MTUS2: variants seen among roughly 807,000 people sequenced by gnomAD.
MTUS2 encodes the protein microtubule associated scaffold protein 2, also known as microtubule-associated tumor suppressor candidate 2.
In MTUS2, 40 loss-of-function variants were observed where a neutral mutation model predicts 114.1. That is an observed-to-expected ratio of 0.35 (90% confidence interval 0.27 to 0.46). MTUS2 has a LOEUF of 0.46. Ranked by LOEUF, MTUS2 falls within the 20% of genes least tolerant of loss-of-function variation. The pLI is 1.00. For missense variants in MTUS2, 1,679 were observed against 1,705.4 expected, an observed-to-expected ratio of 0.98 and a Z score of 0.27; for synonymous variants, 688 against 672.0, an observed-to-expected ratio of 1.02 and a Z score of -0.37.
At chr13:29,155,075 C>G (rs1020683124) in intron 5 of MTUS2, among the ~76,000 whole-genome samples, 2 of 152,176 alleles carry the variant, frequency 1.3e-5, no homozygotes, top group African/African-American at 4.8e-5. Context: ...TTTTAACGTT[C>G]AAGTTTCATT....
At chr13:29,353,184 AT>A (rs1009367949) in intron 7 of MTUS2, among the ~76,000 whole-genome samples, 6 of 151,874 alleles carry the variant, frequency 4.0e-5, no homozygotes, top group South Asian at 2.1e-4. Context: ...TTGCCATAGT[AT>A]TTTTTTTAGA....
At chr13:29,412,753 A>G (rs1875353975) in intron 8 of MTUS2, among the ~76,000 whole-genome samples, 1 of 151,962 alleles carries the variant, frequency 6.6e-6, no homozygotes, top group Non-Finnish European at 1.5e-5. Flanking sequence ...TTAGCCTGGC[A>G]TGGTGGCTTG....
At chr13:29,238,678 G>A (rs1389202387) in intron 5 of MTUS2, among the ~76,000 whole-genome samples, 2 of 152,146 alleles carry the variant, frequency 1.3e-5, no homozygotes, top group East Asian at 1.9e-4. Context: ...GATTAAGGGT[G>A]GATCTGCCTC....
Position 29,224,256 on chromosome 13 carries a change from A to G in MTUS2, c.2645-57448A>G, listed in dbSNP as rs143245344. 1.1e-4 allele frequency among the ~76,000 whole-genome samples: 16 copies of G among 152,314 alleles called. No homozygotes were observed. In the East Asian group the frequency reaches 2.3e-3, roughly 22 times the overall value. On this transcript the variant is annotated intron_variant, in intron 5 of 15. Coordinates refer to ENST00000612955, the MANE Select transcript of MTUS2 (RefSeq NM_001033602.4). ...GCATATGATCAAGTGCTCTCGTAGT[A>G]CCTTGGCAATATATTGTAATTTACT...
intron 5 of MTUS2, among the ~76,000 whole-genome samples, chr13:29,213,195 G>A (rs1460335233): frequency 2.0e-5 from 3 of 152,070 alleles, no homozygotes; most frequent in Admixed American, 6.5e-5. Flanking sequence ...AAATATATAT[G>A]TTTCTTATTA....
intron 8 of MTUS2, among the ~76,000 whole-genome samples, chr13:29,427,643 A>C (rs960227623): frequency 6.6e-6 from 1 of 152,212 alleles, no homozygotes; most frequent in African/African-American, 2.4e-5. Flanking sequence ...GTGATCACTA[A>C]ATACTTGCCT....
intron 5 of MTUS2, among the ~76,000 whole-genome samples, chr13:29,243,281 A>C (rs1360305749): frequency 6.6e-6 from 1 of 152,210 alleles, no homozygotes; most frequent in Non-Finnish European, 1.5e-5. Flanking sequence ...AAGCGGGAGC[A>C]AAGCCACTCC....
At chr13:29,309,268 A>G (rs1433051844) in intron 6 of MTUS2, among the ~76,000 whole-genome samples, 1 of 152,216 alleles carries the variant, frequency 6.6e-6, no homozygotes, top group African/African-American at 2.4e-5. Context: ...GAATGAGATC[A>G]TGTCCTTTGC....
chr13:29,474,689 C>A (rs528096108), intron 9 of MTUS2, among the ~76,000 whole-genome samples: 8 of 152,196 alleles, frequency 5.3e-5, no homozygotes, highest in African/African-American at 1.9e-4. Flanking sequence ...ATCTATATCC[C>A]ATTGGCACAG....
At chr13:29,151,404 T>A (rs1440000454) in intron 5 of MTUS2, among the ~76,000 whole-genome samples, 1 of 152,234 alleles carries the variant, frequency 6.6e-6, no homozygotes, top group African/African-American at 2.4e-5. Context: ...TCAGAAACTT[T>A]AATGAAGATG....
At chr13:29,297,352 C>A (rs970855262) in intron 6 of MTUS2, among the ~76,000 whole-genome samples, 3 of 151,936 alleles carry the variant, frequency 2.0e-5, no homozygotes, top group African/African-American at 4.8e-5. Context: ...AAAAAAGATA[C>A]GTTTGTTAAG....
chr13:29,224,565 A>C (rs1321398404), intron 5 of MTUS2, among the ~76,000 whole-genome samples: 5 of 151,990 alleles, frequency 3.3e-5, no homozygotes, highest in Admixed American at 2.0e-4. Flanking sequence ...GTTTTGTTCC[A>C]TAATTTGGGG....
intron 4 of MTUS2, among the ~76,000 whole-genome samples, chr13:29,084,522 CCCCTCT>C (rs1174832609): frequency 7.7e-5 from 4 of 51,932 alleles, no homozygotes; most frequent in South Asian, 6.9e-4. Context: ...CCCCTCCCCT[CCCCTCT>C]CCCCCCCTTC....
intron 5 of MTUS2, among the ~76,000 whole-genome samples, chr13:29,127,734 C>T (rs755629618): frequency 3.3e-5 from 5 of 152,220 alleles, no homozygotes; most frequent in African/African-American, 7.2e-5. Flanking sequence ...CACCGGGCCC[C>T]GCTTGCCCTG....
chr13:28,915,660 A>G (rs762174562), intron 2 of MTUS2, among the ~76,000 whole-genome samples: 3 of 151,732 alleles, frequency 2.0e-5, no homozygotes, highest in Non-Finnish European at 4.4e-5. Context: ...ATTTTTTCCT[A>G]TACAGTTGTT....
intron 4 of MTUS2, among the ~76,000 whole-genome samples, chr13:29,060,315 A>C (rs2138642369): frequency 6.6e-6 from 1 of 152,234 alleles, no homozygotes; most frequent in African/African-American, 2.4e-5. Context: ...GCGGGGTGTC[A>C]AGGGGATTCT....
rs529862331 is a variant in MTUS2, at chr13:28,873,641, C to A, written c.-243+33791C>A. Among the ~76,000 whole-genome samples, 7 of 152,278 alleles carry A rather than the reference C, an allele frequency of 4.6e-5. No homozygotes were observed. The South Asian group carries it at 1.2e-3, about 27-fold the overall frequency. On this transcript the variant is annotated intron_variant, in intron 2 of 15. Transcript: ENST00000612955. ...ACAATAATGCAATACAAATGGGTTT[C>A]AAAGTAAAATCACACATATTGCCAG...
intron 12 of MTUS2, 112 bp downstream of exon 12, chr13:29,492,831 A>G: frequency 1.2e-6 from 1 of 804,324 alleles, no homozygotes; most frequent in Non-Finnish European, 2.0e-6. Flanking sequence ...GTACTAAACA[A>G]TAGAATATAA....
intron 9 of MTUS2, among the ~76,000 whole-genome samples, chr13:29,452,574 A>ATATGTGTGTGTG (rs1443231559): frequency 7.7e-6 from 1 of 130,260 alleles, no homozygotes; most frequent in African/African-American, 3.1e-5. Context: ...ATATATATAT[A>ATATGTGTGTGTG]TGTGTGTGTG....
Sources: allele counts gnomAD v4.1 joint callset (sites outside exome capture counted in the v4.1 genomes callset), GRCh38; gene constraint gnomAD v4.1.1; transcripts MANE v1.5; gene names NCBI Gene and HGNC (gene_info 2026-07-23, HGNC 2026-07-21).